CACNA2D3: variants seen among roughly 807,000 people sequenced by gnomAD.
CACNA2D3 encodes the protein voltage-dependent calcium channel subunit alpha-2/delta-3.
CACNA2D3 carries 60 observed loss-of-function variants against 160.6 expected under a neutral mutation model. That is an observed-to-expected ratio of 0.37 (90% confidence interval 0.30 to 0.46). CACNA2D3 has a LOEUF of 0.46. Ranked by LOEUF, CACNA2D3 falls within the 20% of genes least tolerant of loss-of-function variation. The pLI, the probability that CACNA2D3 is intolerant of heterozygous loss-of-function variation, is 1.00. For missense variants in CACNA2D3, 1,205 were observed against 1,365.0 expected (o/e 0.88, Z 1.85); for synonymous variants, 558 against 492.9 (o/e 1.13, Z -1.75).
At chr3:54,683,363 T>A (rs943358696) in intron 11 of CACNA2D3, among the ~76,000 whole-genome samples, 7 of 152,148 alleles carry the variant, frequency 4.6e-5, no homozygotes, top group African/African-American at 1.7e-4. Flanking sequence ...AAACCAGATA[T>A]ACAGACAAAA....
At chr3:54,563,838 C>G (rs997643207) in intron 6 of CACNA2D3, among the ~76,000 whole-genome samples, 1 of 152,212 alleles carries the variant, frequency 6.6e-6, no homozygotes, top group African/African-American at 2.4e-5. Flanking sequence ...CTCTGCCTTG[C>G]GGAGCTGTTT....
chr3:54,840,957 C>T (rs1468808114), intron 16 of CACNA2D3, among the ~76,000 whole-genome samples: 1 of 142,022 alleles, frequency 7.0e-6, no homozygotes, highest in Non-Finnish European at 1.5e-5. Flanking sequence ...CTCCTGACCT[C>T]ATGATCCACC....
chr3:54,179,733 C>T (rs1700745986), intron 2 of CACNA2D3, among the ~76,000 whole-genome samples: 1 of 152,140 alleles, frequency 6.6e-6, no homozygotes, highest in Admixed American at 6.5e-5. Context: ...GATTAGTGCC[C>T]TTATAAGAAG....
intron 27 of CACNA2D3, among the ~76,000 whole-genome samples, chr3:54,910,780 C>A (rs1460112596): frequency 6.6e-6 from 1 of 152,164 alleles, no homozygotes; most frequent in African/African-American, 2.4e-5. Flanking sequence ...AGGCTGAAGT[C>A]CTGATTGCAT....
intron 3 of CACNA2D3, among the ~76,000 whole-genome samples, chr3:54,345,583 C>A (rs182349659): frequency 5.9e-5 from 9 of 152,154 alleles, no homozygotes; most frequent in Non-Finnish European, 1.5e-5. Flanking sequence ...ATCGGAGTTC[C>A]CGAGAGGCTG....
intron 13 of CACNA2D3, among the ~76,000 whole-genome samples, chr3:54,767,273 A>C (rs1030307123): frequency 8.5e-5 from 13 of 152,190 alleles, no homozygotes; most frequent in African/African-American, 3.1e-4. Flanking sequence ...GAGGAAAAAA[A>C]CTTTAGAATA....
At chr3:54,627,239 G>A (rs1699140602) in intron 9 of CACNA2D3, among the ~76,000 whole-genome samples, 1 of 152,212 alleles carries the variant, frequency 6.6e-6, no homozygotes, top group Non-Finnish European at 1.5e-5. Context: ...TCAGTGAAAG[G>A]TGGATCTGAG....
intron 11 of CACNA2D3, among the ~76,000 whole-genome samples, chr3:54,686,633 C>A (rs1339044784): frequency 6.6e-6 from 1 of 152,180 alleles, no homozygotes; most frequent in Non-Finnish European, 1.5e-5. Flanking sequence ...ATCACCAGGG[C>A]TCTGCAGAAT....
At chr3:54,809,623 C>CTTCCTTCT (rs1559590466) in intron 13 of CACNA2D3, among the ~76,000 whole-genome samples, 2 of 148,728 alleles carry the variant, frequency 1.3e-5, no homozygotes, top group African/African-American at 5.2e-5. Context: ...CGGCCCCTTC[C>CTTCCTTCT]TTCTTTCTTT....
intron 2 of CACNA2D3, among the ~76,000 whole-genome samples, chr3:54,128,855 C>T: frequency 6.6e-6 from 1 of 152,214 alleles, no homozygotes; most frequent in East Asian, 1.9e-4. Flanking sequence ...TATGAATTAG[C>T]ATATGTGATT....
At position 54,626,198 on chromosome 3, in the gene CACNA2D3, T is replaced by C. The variant is rs1018229879; in HGVS notation, c.964-1589T>C. On this transcript the variant is annotated intron_variant, in intron 9 of 37. Coordinates refer to ENST00000474759, the MANE Select transcript of CACNA2D3 (RefSeq NM_018398.3). ...GCAGGCGCGGACCAGAGAGCTCTTT[T>C]CTGAGGATCCGGCAAGATGGCAGAA... The C allele has an allele frequency of 7.3e-5, 58 of 795,684 alleles. No homozygotes were observed. In the African/African-American group the frequency reaches 8.7e-4, roughly 12 times the overall value. 49.3% of individuals were successfully genotyped at this position (795,684 alleles called of 1,614,324 possible).
At chr3:54,246,163 G>C (rs889184870) in intron 2 of CACNA2D3, among the ~76,000 whole-genome samples, 2 of 152,136 alleles carry the variant, frequency 1.3e-5, no homozygotes, top group African/African-American at 2.4e-5. Flanking sequence ...GAAATGGCTC[G>C]AAGGAAAAAT....
At chr3:54,940,084 A>T (rs1223387981) in intron 27 of CACNA2D3, among the ~76,000 whole-genome samples, 2 of 152,180 alleles carry the variant, frequency 1.3e-5, no homozygotes, top group African/African-American at 4.8e-5. Context: ...TGGACAGCTC[A>T]ATCTTCTATG....
chr3:54,670,783 TG>T (rs1700146304), intron 11 of CACNA2D3, among the ~76,000 whole-genome samples: 1 of 152,184 alleles, frequency 6.6e-6, no homozygotes, highest in Non-Finnish European at 1.5e-5. Flanking sequence ...ACCCTCAGCC[TG>T]GGGTGTGGAC....
chr3:54,804,979 A>G (rs1410336136), intron 13 of CACNA2D3, among the ~76,000 whole-genome samples: 3 of 152,256 alleles, frequency 2.0e-5, no homozygotes, highest in Non-Finnish European at 4.4e-5. Context: ...TGAAGGCAGA[A>G]ATAAAGATGT....
At chr3:54,565,358 G>A (rs1702392953) in intron 6 of CACNA2D3, among the ~76,000 whole-genome samples, 1 of 152,138 alleles carries the variant, frequency 6.6e-6, no homozygotes, top group South Asian at 2.1e-4. Flanking sequence ...TCCAACTCCT[G>A]GCGTGAGAGG....
intron 20 of CACNA2D3, 102 bp downstream of exon 20, chr3:54,879,513 A>G (rs1403547435): frequency 1.2e-6 from 1 of 846,560 alleles, no homozygotes; most frequent in Non-Finnish European, 1.9e-6. Flanking sequence ...AGATAACCAA[A>G]CACCCTGCCA....
At chr3:54,169,207 GTA>G (rs1489122106) in intron 2 of CACNA2D3, among the ~76,000 whole-genome samples, 1 of 152,190 alleles carries the variant, frequency 6.6e-6, no homozygotes, top group Non-Finnish European at 1.5e-5. Flanking sequence ...TTCTTCGAAA[GTA>G]TCAAGGCTGA....
Position 55,014,227 on chromosome 3 carries a change from T to G in CACNA2D3, c.2876-3979T>G, listed in dbSNP as rs998835659. Among the ~76,000 whole-genome samples, 5 of 152,220 alleles carry G rather than the reference T, an allele frequency of 3.3e-5. No homozygotes were observed. The South Asian group carries it at 6.2e-4, about 19-fold the overall frequency. ...GCATGTAGTAAGTGCATAGTGAAGATTGATGGTGAAGGTGGTGGTGGTTTA... is the reference window on the plus strand; with the variant it reads ...GCATGTAGTAAGTGCATAGTGAAGAGTGATGGTGAAGGTGGTGGTGGTTTA... On this transcript the variant is annotated intron_variant, in intron 34 of 37. Transcript: ENST00000474759.
Sources: allele counts gnomAD v4.1 joint callset (sites outside exome capture counted in the v4.1 genomes callset), GRCh38; gene constraint gnomAD v4.1.1; transcripts MANE v1.5; gene names NCBI Gene and HGNC (gene_info 2026-07-23, HGNC 2026-07-21).